The following RNF144A variants were observed in gnomAD, a reference collection of about 807,000 sequenced individuals.
RNF144A encodes the protein E3 ubiquitin-protein ligase RNF144A.
RNF144A carries 11 observed loss-of-function variants against 38.7 expected under a neutral mutation model. The observed-to-expected ratio is 0.28, with a 90% CI of 0.18 to 0.47. RNF144A has a LOEUF of 0.47. Among genes scored for constraint, RNF144A ranks in the 20% least tolerant of loss-of-function variants. The pLI is 0.99. For missense variants in RNF144A, 316 were observed against 377.2 expected, an observed-to-expected ratio of 0.84 and a Z score of 1.34; for synonymous variants, 149 against 143.9, an observed-to-expected ratio of 1.04 and a Z score of -0.25.
chr2:6,998,905 C>CG (rs1276641947), intron 3 of RNF144A, among the ~76,000 whole-genome samples: 2 of 138,620 alleles, frequency 1.4e-5, no homozygotes, highest in Non-Finnish European at 1.6e-5. Flanking sequence ...GGGGTGGGGG[C>CG]GGGGGGCATT....
At chr2:6,940,883 G>C (rs569406940) in intron 1 of RNF144A, 65 bp from the exon 2 acceptor site, 1 of 152,250 alleles carries the variant, frequency 6.6e-6, no homozygotes, top group Non-Finnish European at 1.5e-5. Context: ...TTGAAGAAAG[G>C]CTTTGTGCCC....
chr2:7,010,589 G>T (rs987315540), intron 3 of RNF144A, among the ~76,000 whole-genome samples: 1 of 152,266 alleles, frequency 6.6e-6, no homozygotes, highest in South Asian at 2.1e-4. Context: ...AACTTCTGAC[G>T]CACCGGAGGT....
At position 6,943,835 on chromosome 2, in the gene RNF144A, T is replaced by C. The variant is rs933525439; in HGVS notation, c.-12+2688T>C. On this transcript the variant is annotated intron_variant, in intron 2 of 8. Transcript: ENST00000320892. This position sits in a 1 kb window ranked among gnomAD's most constrained non-coding sequence, Gnocchi z 4.3. ...GCTACATGGAGAGGGATTGGAAGTT[T>C]GCAGAGACCAGGAGGCAGCAGAAAG... Among the ~76,000 whole-genome samples the C allele has an allele frequency of 2.6e-5, 4 of 152,118 alleles. No individual in the cohort carries two copies. The highest frequency in any genetic ancestry group is 2.6e-4 in the Admixed American group (4 of 15,282).
At chr2:7,020,730 G>A (rs773670071) in intron 6 of RNF144A, 50 bp downstream of exon 6, 1 of 1,542,948 alleles carries the variant, frequency 6.5e-7, no homozygotes, top group East Asian at 2.3e-5. Context: ...TGGGCCAGGA[G>A]AAGCAGGCAT....
intron 1 of RNF144A, among the ~76,000 whole-genome samples, chr2:6,920,638 G>C (rs1664484741): frequency 6.6e-6 from 1 of 152,176 alleles, no homozygotes; most frequent in Admixed American, 6.5e-5. Context: ...TAAGGAAGAG[G>C]GACTCTCCGT....
chr2:7,041,243 AT>A lies in RNF144A; in HGVS notation c.*1484del, dbSNP rs1165353085. ...TGCCCATCACAAGCACATTTTTAAA[AT>A]GTTGCTTTGTGTGTGTTTGACTTCT... is the stretch of plus-strand genomic sequence containing the variant. On this transcript the variant is annotated 3_prime_UTR_variant, in exon 9 of 9. Coordinates refer to ENST00000320892, the MANE Select transcript of RNF144A (RefSeq NM_014746.6). The A allele has an allele frequency of 3.0e-6, 3 of 985,542 alleles. No individual in the cohort carries two copies. Among genetic ancestry groups the A allele is most frequent in the Admixed American group, 6.1e-5 (1 of 16,272 alleles). 61.0% of individuals were successfully genotyped at this position (985,542 alleles called of 1,614,324 possible). A position where few individuals can be genotyped will look rare whatever the true frequency, so the allele number is the denominator to read the frequency against.
intron 1 of RNF144A, among the ~76,000 whole-genome samples, chr2:6,934,702 A>G (rs981141196): frequency 3.3e-5 from 5 of 152,156 alleles, no homozygotes; most frequent in Admixed American, 6.5e-5. Context: ...TGAATAACCC[A>G]TCTTTCTTCT....
intron 2 of RNF144A, among the ~76,000 whole-genome samples, chr2:6,991,979 C>A (rs528097352): frequency 6.6e-6 from 1 of 152,278 alleles, no homozygotes; most frequent in Non-Finnish European, 1.5e-5. Context: ...GTCACACTTA[C>A]CCAGAAAGAC....
At chr2:7,058,338 G>GGA (rs1558469010) in intron 6 of RNF144A, among the ~76,000 whole-genome samples, 1 of 106,014 alleles carries the variant, frequency 9.4e-6, no homozygotes, top group African/African-American at 2.9e-5. Flanking sequence ...TGGGGGAACT[G>GGA]AAAAAAAAAA....
intron 4 of RNF144A, 38 bp downstream of exon 4, chr2:7,014,596 A>C (rs777474821): frequency 6.5e-7 from 1 of 1,529,710 alleles, no homozygotes; most frequent in Non-Finnish European, 9.0e-7. Context: ...TTTGATGTGC[A>C]CAGGCGTGCA....
rs527730254 is a variant in RNF144A, at chr2:6,946,431, G to A, written c.-12+5284G>A. Among the ~76,000 whole-genome samples, 26 of 152,036 alleles carry A rather than the reference G, an allele frequency of 1.7e-4. No homozygotes were observed. The South Asian group carries it at 4.8e-3, about 28-fold the overall frequency. On this transcript the variant is annotated intron_variant, in intron 2 of 8. Transcript: ENST00000320892. ...ATTTTAATGATCTGTTTTATGAGTT[G>A]TGTTTCATAATTTATCTCAGTGCTT...
intron 2 of RNF144A, among the ~76,000 whole-genome samples, chr2:6,963,175 C>T (rs1188583536): frequency 6.6e-6 from 1 of 152,160 alleles, no homozygotes; most frequent in East Asian, 1.9e-4. Flanking sequence ...ATCAGGAGTC[C>T]TCAGGTAACA....
chr2:6,958,591 CCT>C lies in RNF144A; in HGVS notation c.-12+17450_-12+17451del, dbSNP rs148422480. 0.02 allele frequency among the ~76,000 whole-genome samples: 3,026 copies of C among 152,190 alleles called. 94 individuals carry two copies. The highest frequency in any genetic ancestry group is 0.07 in the African/African-American group (2,887 of 41,494). ...CTAGCACCTTGAGCTAACTCAGTAG[CCT>C]CTCTCCTATGTCACGGTGGGAGTGT... On this transcript the variant is annotated intron_variant, in intron 2 of 8. Transcript: ENST00000320892. The surrounding 1 kb of genome is among the most constrained non-coding windows in gnomAD (Gnocchi z 4.5).
At chr2:7,029,208 C>T (rs567296453) in intron 7 of RNF144A, among the ~76,000 whole-genome samples, 3 of 152,370 alleles carry the variant, frequency 2.0e-5, no homozygotes, top group East Asian at 3.9e-4. Flanking sequence ...AATGAATCAA[C>T]AGGCTTGCCC....
At chr2:6,951,613 A>C (rs576665207) in intron 2 of RNF144A, among the ~76,000 whole-genome samples, 1 of 152,298 alleles carries the variant, frequency 6.6e-6, no homozygotes, top group South Asian at 2.1e-4. Flanking sequence ...ATCACTATCC[A>C]TGTATTTATG....
chr2:7,075,867 G>C, the RNF144A span, among the ~76,000 whole-genome samples: 1 of 152,130 alleles, frequency 6.6e-6, no homozygotes, highest in Non-Finnish European at 1.5e-5. Flanking sequence ...ATGTGAAACA[G>C]GTCATATTGT....
intron 2 of RNF144A, among the ~76,000 whole-genome samples, chr2:6,942,165 T>A (rs549743097): frequency 6.6e-6 from 1 of 152,008 alleles, no homozygotes; most frequent in African/African-American, 2.4e-5. Context: ...TCAGAGGACA[T>A]TGGAGAGAGT....
chr2:6,930,846 G>A (rs1225675965), intron 1 of RNF144A, among the ~76,000 whole-genome samples: 2 of 151,982 alleles, frequency 1.3e-5, no homozygotes, highest in African/African-American at 4.8e-5. Context: ...CTCTCACCTC[G>A]GCCTCCCAAA....
At chr2:7,075,284 C>G in the RNF144A span, among the ~76,000 whole-genome samples, 1 of 151,244 alleles carries the variant, frequency 6.6e-6, no homozygotes, top group East Asian at 2.0e-4. Context: ...TGGAACATCC[C>G]CCCCCCCACA....
Sources: gnomAD v4.1 joint callset for allele counts (sites outside exome capture counted in the v4.1 genomes callset) on GRCh38, gnomAD v4.1.1 for gene constraint, Gnocchi (gnomAD v3.1) non-coding constraint, MANE v1.5 for transcripts, NCBI Gene and HGNC (gene_info 2026-07-23, HGNC 2026-07-21) for gene names.